Variants in ITGA8 observed in about 807,000 individuals in gnomAD.
The protein encoded by ITGA8 is integrin alpha-8.
In ITGA8, 91 loss-of-function variants were observed where a neutral mutation model predicts 142.3. That is an observed-to-expected ratio of 0.64 (90% CI 0.54 to 0.76). ITGA8 has a LOEUF of 0.76. Ranked by LOEUF, ITGA8 falls within the 30% of genes least tolerant of loss-of-function variation. The pLI is 0.00. For synonymous variants in ITGA8, 505 were observed against 485.2 expected, an observed-to-expected ratio of 1.04 and a Z score of -0.54; for missense variants, 1,406 against 1,327.7, an observed-to-expected ratio of 1.06 and a Z score of -0.92.
At chr10:15,698,833 T>C (rs1314826714) in intron 2 of ITGA8, among the ~76,000 whole-genome samples, 1 of 152,218 alleles carries the variant, frequency 6.6e-6, no homozygotes, top group Non-Finnish European at 1.5e-5. Flanking sequence ...ATGTATAGAT[T>C]GTGAAGATGT....
At chr10:15,642,507 T>A (rs1833889562) in intron 13 of ITGA8, among the ~76,000 whole-genome samples, 1 of 152,186 alleles carries the variant, frequency 6.6e-6, no homozygotes, top group African/African-American at 2.4e-5. Context: ...ACCCTGACAT[T>A]TTTGGGGTAG....
At chr10:15,535,635 T>C (rs888709560) in intron 27 of ITGA8, among the ~76,000 whole-genome samples, 3 of 151,914 alleles carry the variant, frequency 2.0e-5, no homozygotes, top group East Asian at 1.9e-4. Flanking sequence ...TGGAGAACCT[T>C]TGTGACTAGC....
At chr10:15,626,633 C>T (rs76405841) in intron 13 of ITGA8, among the ~76,000 whole-genome samples, 7,298 of 152,144 alleles carry the variant, frequency 0.048, 248 homozygotes, top group Non-Finnish European at 0.071. Context: ...TTACCCCAGA[C>T]AAAAACACTG....
At chr10:15,575,440 G>T in intron 24 of ITGA8, 49 bp downstream of exon 24, 1 of 1,225,150 alleles carries the variant, frequency 8.2e-7, no homozygotes, top group Non-Finnish European at 1.2e-6. Context: ...TATTTGCACA[G>T]AGCTTAAGAA....
intron 22 of ITGA8, among the ~76,000 whole-genome samples, chr10:15,591,687 A>C (rs1197242521): frequency 2.0e-5 from 3 of 152,170 alleles, no homozygotes; most frequent in Non-Finnish European, 4.4e-5. Flanking sequence ...GCCTTAGAAA[A>C]GAGAGGCAGC....
At chr10:15,535,419 G>C (rs1833409157) in intron 27 of ITGA8, among the ~76,000 whole-genome samples, 1 of 152,232 alleles carries the variant, frequency 6.6e-6, no homozygotes, top group Non-Finnish European at 1.5e-5. Context: ...GGGACTTGGA[G>C]AACCTTTATG....
chr10:15,526,187 T>C (rs1339798087), intron 28 of ITGA8, among the ~76,000 whole-genome samples: 5 of 152,132 alleles, frequency 3.3e-5, no homozygotes, highest in South Asian at 4.2e-4. Context: ...GATTCTTTTT[T>C]TTTTTTGAGA....
chr10:15,613,533 G>A, intron 15 of ITGA8, 127 bp downstream of exon 15: 1 of 722,738 alleles, frequency 1.4e-6, no homozygotes. Flanking sequence ...ATCTCTTGAA[G>A]CTTTTTTCGA....
chr10:15,573,804 C>T (rs1458850601), intron 24 of ITGA8, among the ~76,000 whole-genome samples: 1 of 151,906 alleles, frequency 6.6e-6, no homozygotes, highest in East Asian at 1.9e-4. Flanking sequence ...CATGGTTTTA[C>T]CAAAATTCCC....
chr10:15,560,896 G>T (rs902423317), intron 25 of ITGA8, among the ~76,000 whole-genome samples: 1 of 151,798 alleles, frequency 6.6e-6, no homozygotes, highest in Admixed American at 6.6e-5. Context: ...ATTTTAAAAG[G>T]GTCTCCTTAT....
chr10:15,643,915 C>A, intron 13 of ITGA8, 115 bp downstream of exon 13: 1 of 869,998 alleles, frequency 1.1e-6, no homozygotes, highest in Non-Finnish European at 1.7e-6. Context: ...CTGTGGCATG[C>A]TTAAGCTTCA....
Position 15,613,677 on chromosome 10 carries a change from A to G in ITGA8, c.1536T>C (p.Ser512=), listed in dbSNP as rs916253590. 2 of 1,612,400 alleles carry G rather than the reference A, an allele frequency of 1.2e-6. No homozygotes were observed. The highest frequency in any genetic ancestry group is 1.7e-6 in the Non-Finnish European group (2 of 1,178,394). Residue 512 remains serine, a synonymous_variant, in exon 15 of 30, where the codon TCT becomes TCC. Transcript: ENST00000378076. ...TAACTCACCAGGCAGCAGATGTCAT[A>G]GAGTCTGGAACCTGGCAAGTTTTAT... ...LENKTCQVPD[S]MTSAACFSLR...
At chr10:15,568,109 A>C (rs1823232584) in intron 25 of ITGA8, among the ~76,000 whole-genome samples, 1 of 152,106 alleles carries the variant, frequency 6.6e-6, no homozygotes, top group Non-Finnish European at 1.5e-5. Context: ...TTTTTTGTAG[A>C]AATGGGGTCT....
intron 20 of ITGA8, 26 bp from the exon 21 acceptor site, chr10:15,597,325 T>C (rs752587987): frequency 1.3e-6 from 2 of 1,580,388 alleles, no homozygotes; most frequent in South Asian, 2.2e-5. Flanking sequence ...ACAGGGGGTT[T>C]AGGGGGCAGG....
chr10:15,596,159 G>A (rs1833008580), intron 21 of ITGA8, among the ~76,000 whole-genome samples: 2 of 152,220 alleles, frequency 1.3e-5, no homozygotes, highest in African/African-American at 4.8e-5. Context: ...TAATATCTCA[G>A]TGTAAACATC....
intron 28 of ITGA8, among the ~76,000 whole-genome samples, chr10:15,525,378 C>A (rs553308951): frequency 6.6e-6 from 1 of 151,946 alleles, no homozygotes; most frequent in African/African-American, 2.4e-5. Flanking sequence ...CACGGTGGCT[C>A]ACATCTGTAA....
At position 15,608,246 on chromosome 10, in the gene ITGA8, G is replaced by T; in HGVS notation, c.1598C>A (p.Ala533Glu). The change falls in exon 16 of 30, where the codon GCA becomes GAA. Residue 533 changes from alanine (A) to glutamate (E), a missense_variant. Coordinates refer to ENST00000378076, the MANE Select transcript of ITGA8 (RefSeq NM_003638.3). ...GAAAACATGCTTACCTATTGTGTTT[G>T]CAATGCTCTGGCCTGTGACAGATGC... ...VCASVTGQSI[A>E]NTIVLMAEVQ... 2 of 1,596,202 alleles carry T rather than the reference G, an allele frequency of 1.3e-6. No homozygotes were observed. Among genetic ancestry groups the T allele is most frequent in the Non-Finnish European group, 1.7e-6 (2 of 1,171,456 alleles).
intron 13 of ITGA8, among the ~76,000 whole-genome samples, chr10:15,634,641 A>G (rs374127314): frequency 2.0e-5 from 3 of 152,346 alleles, no homozygotes; most frequent in Admixed American, 6.5e-5. Context: ...TATATGGATA[A>G]CAATCTCTTG....
intron 13 of ITGA8, among the ~76,000 whole-genome samples, chr10:15,632,228 C>A (rs573263053): frequency 6.6e-6 from 1 of 150,586 alleles, no homozygotes; most frequent in East Asian, 1.9e-4. Context: ...ATAGCTGTGT[C>A]GATAAGGTCC....
Sources: gnomAD v4.1 joint callset for allele counts (sites outside exome capture counted in the v4.1 genomes callset) on GRCh38, gnomAD v4.1.1 for gene constraint, MANE v1.5 for transcripts, NCBI Gene and HGNC (gene_info 2026-07-23, HGNC 2026-07-21) for gene names.